NOX4: variants seen among roughly 807,000 people sequenced by gnomAD.
NOX4 encodes NADPH oxidase 4.
NOX4 carries 69 observed loss-of-function variants against 87.6 expected under a neutral mutation model. That is an observed-to-expected ratio of 0.79 (90% CI 0.65 to 0.96). The LOEUF (loss-of-function observed/expected upper bound fraction) is 0.96. Ranked by LOEUF, NOX4 falls within the 40% of genes least tolerant of loss-of-function variation. The pLI is 0.00. For synonymous variants in NOX4, 275 were observed against 238.2 expected, an observed-to-expected ratio of 1.15 and a Z score of -1.42; for missense variants, 680 against 681.5, an observed-to-expected ratio of 1.00 and a Z score of 0.02.
chr11:89,466,304 T>G (rs1351014574), intron 2 of NOX4, among the ~76,000 whole-genome samples: 1 of 152,214 alleles, frequency 6.6e-6, no homozygotes, highest in Non-Finnish European at 1.5e-5. Flanking sequence ...TCTTAAAATC[T>G]CAAACAGTTT....
the NOX4 span, among the ~76,000 whole-genome samples, chr11:89,531,787 A>G: frequency 6.6e-5 from 10 of 152,248 alleles, no homozygotes; most frequent in Non-Finnish European, 1.5e-4. Context: ...TCACAGGCCC[A>G]GAGGCCGAGG....
At chr11:89,344,110 T>G in intron 13 of NOX4, among the ~76,000 whole-genome samples, 1 of 149,958 alleles carries the variant, frequency 6.7e-6, no homozygotes, top group Middle Eastern at 3.5e-3. Flanking sequence ...ATATTAGATA[T>G]TTAAGAATAA....
the NOX4 span, among the ~76,000 whole-genome samples, chr11:89,572,878 A>G: frequency 6.6e-6 from 1 of 152,098 alleles, no homozygotes; most frequent in African/African-American, 2.4e-5. Flanking sequence ...TAAATCTACA[A>G]TCTTGCTCTA....
In NOX4 at chr11:89,431,446, G is replaced by T. The variant is rs560226141; in HGVS notation, c.548+1338C>A. 4.6e-5 allele frequency among the ~76,000 whole-genome samples: 7 copies of T among 152,134 alleles called. No individual in the cohort carries two copies. The East Asian group carries it at 5.8e-4, about 13-fold the overall frequency. On this transcript the variant is annotated intron_variant, in intron 7 of 17. Transcript: ENST00000263317. ...TACAGAATGGGAGAAAATTTTTGCA[G>T]TCTACCTATCTGACAAAGGGCTAAT...
chr11:89,555,682 C>T, the NOX4 span, among the ~76,000 whole-genome samples: 1 of 152,156 alleles, frequency 6.6e-6, no homozygotes, highest in African/African-American at 2.4e-5. Flanking sequence ...TGAACAGAGG[C>T]ACAAACAGAA....
At chr11:89,543,792 T>C in the NOX4 span, among the ~76,000 whole-genome samples, 1 of 152,072 alleles carries the variant, frequency 6.6e-6, no homozygotes, top group East Asian at 1.9e-4. Context: ...TAAATAGATA[T>C]TGTCTGAATT....
At chr11:89,523,238 G>T in the NOX4 span, among the ~76,000 whole-genome samples, 414 of 152,142 alleles carry the variant, frequency 2.7e-3, 3 homozygotes, top group African/African-American at 9.5e-3. Context: ...TGGCCAGGAT[G>T]ATCTTGATCT....
chr11:89,533,811 A>C, the NOX4 span: 11 of 152,186 alleles, frequency 7.2e-5, no homozygotes, highest in African/African-American at 2.7e-4. Context: ...GATTCTACAC[A>C]GCTTGTCCTG....
intron 7 of NOX4, among the ~76,000 whole-genome samples, chr11:89,423,642 A>G (rs1448022893): frequency 6.6e-6 from 1 of 152,116 alleles, no homozygotes; most frequent in Non-Finnish European, 1.5e-5. Flanking sequence ...CTCTTTTGAA[A>G]TATGTACTTG....
chr11:89,409,794 A>G (rs1274480757), intron 8 of NOX4, among the ~76,000 whole-genome samples: 2 of 152,204 alleles, frequency 1.3e-5, no homozygotes, highest in East Asian at 1.9e-4. Context: ...ATTTATTAAC[A>G]TATTGAAAAT....
At chr11:89,550,909 G>A in the NOX4 span, among the ~76,000 whole-genome samples, 1 of 152,006 alleles carries the variant, frequency 6.6e-6, no homozygotes, top group Non-Finnish European at 1.5e-5. Flanking sequence ...CAGGTTTTAT[G>A]GTTTTAGGTC....
rs75489781 is a variant in NOX4 at position 89,433,942 on chromosome 11, C to T, written c.476-1086G>A. ...TTGTATTATTACAAAATTAAATATC[C>T]TGTCAATAAGTTACATTTGTTTACT... On this transcript the variant is annotated intron_variant, in intron 6 of 17. Coordinates refer to ENST00000263317, the MANE Select transcript of NOX4 (RefSeq NM_016931.5). Among the ~76,000 whole-genome samples, 585 of 152,098 alleles carry T rather than the reference C, an allele frequency of 3.8e-3. 10 individuals carry two copies. The highest frequency in any genetic ancestry group is 0.036 in the East Asian group (184 of 5,162).
intron 2 of NOX4, among the ~76,000 whole-genome samples, chr11:89,485,423 G>A (rs1223622560): frequency 6.6e-6 from 1 of 151,778 alleles, no homozygotes; most frequent in Non-Finnish European, 1.5e-5. Flanking sequence ...ATATAACTAA[G>A]ACACATTGAA....
chr11:89,505,491 T>C, the NOX4 span, among the ~76,000 whole-genome samples: 3 of 151,798 alleles, frequency 2.0e-5, no homozygotes, highest in Admixed American at 6.6e-5. Context: ...AAGGACCTGA[T>C]ATGTAAGCTG....
In NOX4 at chr11:89,329,244, T is replaced by C. The variant is rs138084719; in HGVS notation, c.1617-2368A>G. Reference sequence around the variant, plus strand: ...TAGAGATGGAATGCAATATTTGAAATGATAAATATACTAGATGAGTTAATA... The same window carrying C: ...TAGAGATGGAATGCAATATTTGAAACGATAAATATACTAGATGAGTTAATA... On this transcript the variant is annotated intron_variant, in intron 17 of 17. Coordinates refer to ENST00000263317, the MANE Select transcript of NOX4 (RefSeq NM_016931.5). 4.5e-3 allele frequency among the ~76,000 whole-genome samples: 658 copies of C among 147,210 alleles called. 4 individuals are homozygous for C. Among genetic ancestry groups the C allele is most frequent in the Non-Finnish European group, 7.6e-3 (509 of 67,096 alleles).
chr11:89,550,622 C>G, the NOX4 span, among the ~76,000 whole-genome samples: 1 of 152,064 alleles, frequency 6.6e-6, no homozygotes, highest in African/African-American at 2.4e-5. Context: ...TCATATCCTT[C>G]ACTCACTTTT....
chr11:89,340,163 C>T lies in NOX4; in HGVS notation c.1346G>A (p.Trp449Ter), dbSNP rs1209565446. ...ASILNTLLDD[W>*]KPYKLRRLYF... ...TAGTCTTCTAAGCTTGTATGGTTTC[C>T]AGTCATCCCTTTAAAATGAAAATAA... The change falls in exon 15 of 18, where the codon TGG becomes TAG. Residue 449 changes from tryptophan to a stop codon, truncating the protein, a stop_gained. Coordinates refer to ENST00000263317, the MANE Select transcript of NOX4 (RefSeq NM_016931.5). LOFTEE classifies it high-confidence loss of function. 5.7e-6 allele frequency: 9 copies of T among 1,584,088 alleles called. No homozygotes were observed. The highest frequency in any genetic ancestry group is 7.7e-6 in the Non-Finnish European group (9 of 1,162,152).
At chr11:89,409,811 A>G (rs1942380949) in intron 8 of NOX4, among the ~76,000 whole-genome samples, 1 of 152,154 alleles carries the variant, frequency 6.6e-6, no homozygotes. Context: ...AAATATGTAA[A>G]TATTATGGAG....
At chr11:89,393,733 T>C (rs1941282776) in intron 11 of NOX4, among the ~76,000 whole-genome samples, 1 of 152,134 alleles carries the variant, frequency 6.6e-6, no homozygotes, top group Admixed American at 6.6e-5. Context: ...AAGATGCCCT[T>C]CCAGGTAAGT....
Sources: allele counts gnomAD v4.1 joint callset (sites outside exome capture counted in the v4.1 genomes callset), GRCh38; gene constraint gnomAD v4.1.1; transcripts MANE v1.5; gene names NCBI Gene and HGNC (gene_info 2026-07-23, HGNC 2026-07-21).